Variants in FBXL7 observed in about 807,000 individuals in gnomAD.
The protein encoded by FBXL7 is F-box and leucine rich repeat protein 7.
Under a neutral mutation model 38.3 loss-of-function variants are expected in FBXL7, and 12 were observed. That is an observed-to-expected ratio of 0.31 (90% CI 0.20 to 0.51). The LOEUF is 0.51. Ranked by LOEUF, FBXL7 falls within the 20% of genes least tolerant of loss-of-function variation. The pLI, the probability that FBXL7 is intolerant of heterozygous loss-of-function variation, is 0.98. For synonymous variants in FBXL7, 297 were observed against 300.9 expected (o/e 0.99, Z 0.13); for missense variants, 567 against 676.4 (o/e 0.84, Z 1.79).
intron 2 of FBXL7, among the ~76,000 whole-genome samples, chr5:15,789,247 AAT>A (rs1431989698): frequency 6.6e-6 from 1 of 152,106 alleles, no homozygotes; most frequent in Non-Finnish European, 1.5e-5. Context: ...AGTTTGGAAT[AAT>A]GTTTTTAATA....
intron 1 of FBXL7, among the ~76,000 whole-genome samples, chr5:15,571,533 C>T (rs914130502): frequency 2.0e-4 from 30 of 152,074 alleles, no homozygotes; most frequent in African/African-American, 6.3e-4. Flanking sequence ...ATGATTTGAC[C>T]AGGTGAGAGA....
intron 2 of FBXL7, among the ~76,000 whole-genome samples, chr5:15,674,456 A>G (rs991873102): frequency 6.6e-6 from 1 of 152,242 alleles, no homozygotes; most frequent in Non-Finnish European, 1.5e-5. Context: ...AGGTCTGCAG[A>G]GATAGTTAAA....
chr5:15,574,884 C>A (rs1192571566), intron 1 of FBXL7, among the ~76,000 whole-genome samples: 1 of 151,084 alleles, frequency 6.6e-6, no homozygotes, highest in Non-Finnish European at 1.5e-5. Context: ...AGGATGGGTC[C>A]TCAACTAGTT....
At chr5:15,671,588 G>A (rs1742479789) in intron 2 of FBXL7, among the ~76,000 whole-genome samples, 1 of 152,210 alleles carries the variant, frequency 6.6e-6, no homozygotes, top group South Asian at 2.1e-4. Context: ...GAGAAGCAAT[G>A]ACTTTGTTTT....
In FBXL7 at chr5:15,667,392, TTC is replaced by T. The variant is rs889421928; in HGVS notation, c.127+51322_127+51323del. ...AGTGTACTACCTGTGAGGCACTTCT[TTC>T]TAAAACTTTAACTTCTTACTTTTGG... On this transcript the variant is annotated intron_variant, in intron 2 of 3. Coordinates refer to ENST00000504595, the MANE Select transcript of FBXL7 (RefSeq NM_012304.5). Among the ~76,000 whole-genome samples the T allele has an allele frequency of 1.9e-4, 29 of 152,298 alleles. 1 individual carries two copies. Among genetic ancestry groups the T allele is most frequent in the African/African-American group, 6.5e-4 (27 of 41,572 alleles).
At chr5:15,783,210 G>A (rs911846988) in intron 2 of FBXL7, among the ~76,000 whole-genome samples, 1 of 152,194 alleles carries the variant, frequency 6.6e-6, no homozygotes, top group South Asian at 2.1e-4. Context: ...GTGAGAAAGT[G>A]GCAGGGTGAA....
At chr5:15,506,055 A>G (rs571399094) in intron 1 of FBXL7, among the ~76,000 whole-genome samples, 1 of 152,312 alleles carries the variant, frequency 6.6e-6, no homozygotes. Flanking sequence ...CCTTCTTCAC[A>G]GTTTTACGGA....
chr5:15,519,147 C>A (rs1737027831), intron 1 of FBXL7, among the ~76,000 whole-genome samples: 1 of 152,020 alleles, frequency 6.6e-6, no homozygotes, highest in South Asian at 2.1e-4. Flanking sequence ...AGTTCAAGAC[C>A]TGCTTGGCCA....
intron 2 of FBXL7, among the ~76,000 whole-genome samples, chr5:15,798,737 T>C (rs1351160536): frequency 1.3e-5 from 2 of 152,230 alleles, no homozygotes; most frequent in Non-Finnish European, 2.9e-5. Flanking sequence ...AACAGTGACC[T>C]GAACAAATGC....
At chr5:15,607,393 C>T (rs1390020819) in intron 1 of FBXL7, 1 of 152,144 alleles carries the variant, frequency 6.6e-6, no homozygotes, top group African/African-American at 2.4e-5. Flanking sequence ...GTCTTAGACT[C>T]TTAAGAGTGT....
intron 2 of FBXL7, among the ~76,000 whole-genome samples, chr5:15,832,196 C>T (rs1464961248): frequency 6.6e-6 from 1 of 152,190 alleles, no homozygotes; most frequent in Non-Finnish European, 1.5e-5. Context: ...CCTTGTATCA[C>T]CCTTTCCCTG....
rs571307103 is a variant in FBXL7 at position 15,811,726 on chromosome 5, C to G, written c.128-116164C>G. On this transcript the variant is annotated intron_variant, in intron 2 of 3. Coordinates refer to ENST00000504595, the MANE Select transcript of FBXL7 (RefSeq NM_012304.5). The stretch of plus-strand genomic sequence containing the variant: ...AGAAGACATTTATATGGCCAAAAAA[C>G]TTGAAAAAAAAGCTGATCATCAGTG... 3.3e-5 allele frequency among the ~76,000 whole-genome samples: 5 copies of G among 152,096 alleles called. No homozygotes were observed. In the South Asian group the frequency reaches 1.0e-3, roughly 32 times the overall value.
rs557432567 is a variant in FBXL7 at position 15,914,289 on chromosome 5, G to A, written c.128-13601G>A. Among the ~76,000 whole-genome samples the A allele has an allele frequency of 4.0e-5, 6 of 151,800 alleles. No homozygotes were observed. The South Asian group carries it at 1.0e-3, about 26-fold the overall frequency. On this transcript the variant is annotated intron_variant, in intron 2 of 3. Transcript: ENST00000504595. The stretch of plus-strand genomic sequence containing the variant: ...TAGTCCCAGCTACTCATGAGGCTGA[G>A]GCAGGAGAATGGTGTGAACCTGGGA...
In FBXL7 at chr5:15,754,616, A is replaced by G. The variant is rs147586039; in HGVS notation, c.127+138544A>G. Among the ~76,000 whole-genome samples, 1,416 of 152,372 alleles carry G rather than the reference A, an allele frequency of 9.3e-3. 17 individuals are homozygous for G. Among genetic ancestry groups the G allele is most frequent in the Middle Eastern group, 0.054 (16 of 294 alleles). ...CCACTTGCATTGCTACCATTAATGT[A>G]GCTTTTTATACCAATGAGAAAACTG... On this transcript the variant is annotated intron_variant, in intron 2 of 3. Coordinates refer to ENST00000504595, the MANE Select transcript of FBXL7 (RefSeq NM_012304.5).
Position 15,616,008 on chromosome 5 carries a change from T to C in FBXL7, c.63T>C (p.Ser21=). 1 of 1,613,330 alleles carries C rather than the reference T, an allele frequency of 6.2e-7. No individual in the cohort carries two copies. The highest frequency in any genetic ancestry group is 8.5e-7 in the Non-Finnish European group (1 of 1,179,494). ...SEGKGSSSIS[S]DVSSSTDHTP... ...GCAAAGGCAGCTCGAGCATCTCATC[T>C]GACGTGAGTTCAAGTACAGATCACA... Residue 21 remains serine, a synonymous_variant, in exon 2 of 4, where the codon TCT becomes TCC. Coordinates refer to ENST00000504595, the MANE Select transcript of FBXL7 (RefSeq NM_012304.5).
At chr5:15,515,551 G>A (rs1736911407) in intron 1 of FBXL7, among the ~76,000 whole-genome samples, 2 of 152,158 alleles carry the variant, frequency 1.3e-5, no homozygotes, top group South Asian at 2.1e-4. Context: ...ATTGTCTGCT[G>A]TGCTTTGAAG....
At chr5:15,628,576 A>C (rs151040736) in intron 2 of FBXL7, among the ~76,000 whole-genome samples, 2 of 152,332 alleles carry the variant, frequency 1.3e-5, no homozygotes, top group East Asian at 3.9e-4. Flanking sequence ...TTTCACAGAC[A>C]CAACTAAAGC....
At chr5:15,734,991 G>T (rs957769636) in intron 2 of FBXL7, among the ~76,000 whole-genome samples, 2 of 152,182 alleles carry the variant, frequency 1.3e-5, no homozygotes, top group Admixed American at 6.5e-5. Context: ...GAGTACAAGG[G>T]CATGATCTTG....
chr5:15,834,132 C>G (rs1214542988), intron 2 of FBXL7, among the ~76,000 whole-genome samples: 1 of 152,222 alleles, frequency 6.6e-6, no homozygotes, highest in Non-Finnish European at 1.5e-5. Context: ...GAAAAGTTAT[C>G]CAAAACTTGG....
Sources: gnomAD v4.1 joint callset for allele counts (sites outside exome capture counted in the v4.1 genomes callset) on GRCh38, gnomAD v4.1.1 for gene constraint, MANE v1.5 for transcripts, NCBI Gene and HGNC (gene_info 2026-07-23, HGNC 2026-07-21) for gene names.